The following RLIM variants were observed in gnomAD, a reference collection of about 807,000 sequenced individuals.
The protein encoded by RLIM is E3 ubiquitin-protein ligase RLIM.
In RLIM, 2 loss-of-function variants were observed where a neutral mutation model predicts 34.0. The ratio of observed to expected loss-of-function variants is 0.06; its 90% confidence interval spans 0.02 to 0.19. The LOEUF is 0.19. Ranked by LOEUF, RLIM falls within the 10% of genes least tolerant of loss-of-function variation. RLIM has a pLI of 1.00. For synonymous variants in RLIM, 169 were observed against 164.0 expected, an observed-to-expected ratio of 1.03 and a Z score of -0.23; for missense variants, 286 against 479.7, an observed-to-expected ratio of 0.60 and a Z score of 3.77.
chrX:74,603,505 G>GTA (rs773420844), intron 1 of RLIM, among the ~76,000 whole-genome samples: 37 of 111,951 alleles, frequency 3.3e-4, no homozygotes, highest in Admixed American at 1.5e-3. Flanking sequence ...TTTTTGAAGT[G>GTA]TATGTGTCTT....
Position 74,592,859 on chromosome X carries a change from T to G in RLIM, c.456A>C (p.Ser152=). ...NVNRNNGSQN[S]ENENEPSARR... Reference sequence around the variant, plus strand: ...TTGCAGATGGCTCATTTTCATTCTCTGAATTTTGGCTCCCATTATTACGGT... The same window carrying G: ...TTGCAGATGGCTCATTTTCATTCTCGGAATTTTGGCTCCCATTATTACGGT... The change falls in exon 4 of 4, where the codon TCA becomes TCC. Residue 152 remains serine, a synonymous_variant. Coordinates refer to ENST00000332687, the MANE Select transcript of RLIM (RefSeq NM_016120.4). 24 of 1,211,895 alleles carry G rather than the reference T, an allele frequency of 2.0e-5. No homozygotes were observed. The highest frequency in any genetic ancestry group is 2.6e-5 in the Non-Finnish European group (23 of 895,232).
chrX:74,610,402 G>A (rs2079703994), intron 1 of RLIM, among the ~76,000 whole-genome samples: 2 of 107,503 alleles, frequency 1.9e-5, no homozygotes, highest in Admixed American at 2.0e-4. Flanking sequence ...GGGCGACAGA[G>A]CAAAACTCGT....
At chrX:74,613,929 G>A (rs1298686857) in intron 1 of RLIM, among the ~76,000 whole-genome samples, 1 of 110,260 alleles carries the variant, frequency 9.1e-6, no homozygotes, top group Non-Finnish European at 1.9e-5. Flanking sequence ...CTCAAAATGA[G>A]GTTTTGGAAA....
chrX:74,611,209 C>A (rs1445539311), intron 1 of RLIM, among the ~76,000 whole-genome samples: 1 of 111,868 alleles, frequency 8.9e-6, no homozygotes, highest in African/African-American at 3.2e-5. Flanking sequence ...ACTTTTTATT[C>A]TCTAATTTGT....
chrX:74,605,902 G>C (rs1026971927), intron 1 of RLIM, among the ~76,000 whole-genome samples: 17 of 111,789 alleles, frequency 1.5e-4, no homozygotes, highest in African/African-American at 5.5e-4. Flanking sequence ...AAAACCATGT[G>C]ACTAGTAAGT....
rs1193379142 is a variant in RLIM, at chrX:74,584,593, T to C, written c.*6847A>G. Among the ~76,000 whole-genome samples the C allele has an allele frequency of 9.0e-6, 1 of 111,383 alleles. No homozygotes were observed. The highest frequency in any genetic ancestry group is 3.3e-5 in the African/African-American group (1 of 30,616). On this transcript the variant is annotated 3_prime_UTR_variant, in exon 4 of 4. Coordinates refer to ENST00000332687, the MANE Select transcript of RLIM (RefSeq NM_016120.4). ...TTCTTCTAGGTATCTGGGGGTTTTT[T>C]TGAGACAAGGTTTTGCTCTGTAACC... is the stretch of plus-strand genomic sequence containing the variant.
chrX:74,599,392 C>A (rs2079652228), intron 1 of RLIM, among the ~76,000 whole-genome samples: 1 of 111,726 alleles, frequency 9.0e-6, no homozygotes, highest in Admixed American at 9.5e-5. Flanking sequence ...AATTCTTTAC[C>A]TTACAACCCC....
In RLIM at chrX:74,591,289, G is replaced by C. The variant is rs2079611741; in HGVS notation, c.*151C>G. On this transcript the variant is annotated 3_prime_UTR_variant, in exon 4 of 4. Coordinates refer to ENST00000332687, the MANE Select transcript of RLIM (RefSeq NM_016120.4). Reference sequence around the variant, plus strand: ...TTCCTTTTATTCTGGAACAAAAACTGGAGAAAGGACAATGATTCCTTCAGA... The same window carrying C: ...TTCCTTTTATTCTGGAACAAAAACTCGAGAAAGGACAATGATTCCTTCAGA... The C allele has an allele frequency of 4.2e-6, 2 of 480,829 alleles. No individual in the cohort carries two copies. Among genetic ancestry groups the C allele is most frequent in the Non-Finnish European group, 6.9e-6 (2 of 289,222 alleles). 39.6% of individuals were successfully genotyped at this position (480,829 alleles called of 1,213,427 possible).
chrX:74,606,595 T>C (rs2079683081), intron 1 of RLIM, among the ~76,000 whole-genome samples: 1 of 112,025 alleles, frequency 8.9e-6, no homozygotes, highest in South Asian at 3.7e-4. Context: ...AATTTAATTG[T>C]TATAATGTTA....
In RLIM at chrX:74,585,584, T is replaced by C. The variant is rs930870103; in HGVS notation, c.*5856A>G. On this transcript the variant is annotated 3_prime_UTR_variant, in exon 4 of 4. Transcript: ENST00000332687. ...AAGCTTCTTCCTAAAAGATAACTAT[T>C]AATAATCAAACCAGCTTTAATATGA... 4 of 112,313 alleles carry C rather than the reference T, an allele frequency of 3.6e-5. No individual in the cohort carries two copies. The highest frequency in any genetic ancestry group is 1.3e-4 in the African/African-American group (4 of 30,930). 9.3% of individuals were successfully genotyped at this position (112,313 alleles called of 1,213,427 possible). A position where few individuals can be genotyped will look rare whatever the true frequency, so the allele number is the denominator to read the frequency against.
chrX:74,595,828 G>C lies in RLIM; in HGVS notation c.150C>G (p.Asn50Lys), dbSNP rs755424777. The change falls in exon 2 of 4, where the codon AAC becomes AAG. Residue 50 changes from asparagine (N) to lysine (K), a missense_variant. Around this residue, in one of 6 missense-constraint regions of RLIM, gnomAD observed 62 missense variants for 71.3 expected, o/e 0.87. Transcript: ENST00000332687. ...GCATACCTGGGGTGCCTAGCAAATT[G>C]TTATCTCTCATAAGCCTATAATCTT... ...SEEDYRLMRD[N>K]NLLGTPGEST... The C allele has an allele frequency of 8.3e-7, 1 of 1,198,831 alleles. No homozygotes were observed.
chrX:74,592,677 C>T lies in RLIM; in HGVS notation c.638G>A (p.Ser213Asn). 8.3e-7 allele frequency: 1 copy of T among 1,211,798 alleles called. No individual in the cohort carries two copies. Among genetic ancestry groups the T allele is most frequent in the Non-Finnish European group, 1.1e-6 (1 of 895,389 alleles). ...PPTRGQRRAR[S>N]RSPDHRRTRA... ...GGTTCTCCGATGGTCTGGGCTCCTG[C>T]TTCTTGCCCTCCTCTGACCTCTGGT... The change falls in exon 4 of 4, where the codon AGC becomes AAC. Residue 213 changes from serine (S) to asparagine (N), a missense_variant. Coordinates refer to ENST00000332687, the MANE Select transcript of RLIM (RefSeq NM_016120.4).
At position 74,592,385 on chromosome X, in the gene RLIM, T is replaced by C; in HGVS notation, c.930A>G (p.Thr310=). The change falls in exon 4 of 4, where the codon ACA becomes ACG. Residue 310 remains threonine, a synonymous_variant. Transcript: ENST00000332687. ...TGGTTGGAGGTCTCTGTCCTGATCC[T>C]GTAGATTCACCACTGGCAGCTGTGT... ...SSDTAASGES[T]GSGQRPPTIV... 3 of 1,211,828 alleles carry C rather than the reference T, an allele frequency of 2.5e-6. No homozygotes were observed. The highest frequency in any genetic ancestry group is 3.5e-5 in the African/African-American group (2 of 57,849).
intron 1 of RLIM, among the ~76,000 whole-genome samples, chrX:74,607,219 G>A (rs768013410): frequency 1.7e-4 from 19 of 111,539 alleles, no homozygotes; most frequent in Non-Finnish European, 3.2e-4. Flanking sequence ...TTAAGGTAAC[G>A]TAACATCAAC....
At chrX:74,596,470 C>A (rs185390899) in intron 1 of RLIM, among the ~76,000 whole-genome samples, 12 of 111,767 alleles carry the variant, frequency 1.1e-4, no homozygotes, top group African/African-American at 3.2e-4. Flanking sequence ...TGGTCTCAAC[C>A]TCCTGAGCTC....
In RLIM at chrX:74,592,046, A is replaced by G. The variant is rs1343743101; in HGVS notation, c.1269T>C (p.Asp423=). The change falls in exon 4 of 4, where the codon GAT becomes GAC. Residue 423 remains aspartate (D), a synonymous_variant. Coordinates refer to ENST00000332687, the MANE Select transcript of RLIM (RefSeq NM_016120.4). ...FGELSYFMYS[D]SDSEPTGSVS... is the part of the protein sequence containing the mutation. ...CTGAGCCAGTAGGCTCTGAGTCGCTATCACTGTACATAAAATAGCTTAACT... is the reference window on the plus strand; with the variant it reads ...CTGAGCCAGTAGGCTCTGAGTCGCTGTCACTGTACATAAAATAGCTTAACT... 7 of 1,211,127 alleles carry G rather than the reference A, an allele frequency of 5.8e-6. No homozygotes were observed. The highest frequency in any genetic ancestry group is 7.8e-6 in the Non-Finnish European group (7 of 895,014).
In RLIM at chrX:74,609,307, G is replaced by A. The variant is rs1227498677; in HGVS notation, c.-24+5115C>T. 1.4e-4 allele frequency among the ~76,000 whole-genome samples: 15 copies of A among 108,538 alleles called. No homozygotes were observed. The Admixed American group carries it at 1.5e-3, about 11-fold the overall frequency. The allele number at this position is 108,538 out of a possible 115,157, so 94.3% of individuals were successfully genotyped here. ...TCAAGACCATCCTGGCTAACACAGT[G>A]AAACCCCGTCTCTACTAAAAATAGA... On this transcript the variant is annotated intron_variant, in intron 1 of 3. Coordinates refer to ENST00000332687, the MANE Select transcript of RLIM (RefSeq NM_016120.4).
chrX:74,613,216 G>A (rs1449531086), intron 1 of RLIM, among the ~76,000 whole-genome samples: 2 of 111,037 alleles, frequency 1.8e-5, no homozygotes, highest in South Asian at 3.8e-4. Context: ...CACGAAGAAT[G>A]AAAGAAATGA....
rs937122775 is a variant in RLIM, at chrX:74,584,274, G to A, written c.*7166C>T. On this transcript the variant is annotated 3_prime_UTR_variant, in exon 4 of 4. Transcript: ENST00000332687. ...TAATCTGCTACTTACTATGTGACCT[G>A]GGCAAATTACCAAACATCTGTATCT... Among the ~76,000 whole-genome samples the A allele has an allele frequency of 9.0e-6, 1 of 111,306 alleles. No homozygotes were observed. The highest frequency in any genetic ancestry group is 9.6e-5 in the Admixed American group (1 of 10,437).
Sources: gnomAD v4.1 joint callset for allele counts (sites outside exome capture counted in the v4.1 genomes callset) on GRCh38, gnomAD v4.1.1 for gene constraint, gnomAD v4.1.1 regional missense constraint, MANE v1.5 for transcripts, NCBI Gene and HGNC (gene_info 2026-07-23, HGNC 2026-07-21) for gene names.